LIN7A: variants seen among roughly 807,000 people sequenced by gnomAD.
LIN7A encodes protein lin-7 homolog A.
A neutral mutation model predicts 29.8 loss-of-function variants in LIN7A; 25 were observed. That is an observed-to-expected ratio of 0.84 (90% CI 0.61 to 1.17). The LOEUF is 1.17. Among genes scored for constraint, LIN7A ranks in the 50% most tolerant of loss-of-function variants. LIN7A has a pLI of 0.00. For synonymous variants in LIN7A, 118 were observed against 107.5 expected, an observed-to-expected ratio of 1.10 and a Z score of -0.60; for missense variants, 239 against 287.0, an observed-to-expected ratio of 0.83 and a Z score of 1.21.
chr12:80,932,375 G>T (rs1051642912), intron 1 of LIN7A, among the ~76,000 whole-genome samples: 1 of 152,138 alleles, frequency 6.6e-6, no homozygotes, highest in Admixed American at 6.5e-5. Flanking sequence ...AGCACACTAG[G>T]ATTTGTTTAA....
intron 2 of LIN7A, among the ~76,000 whole-genome samples, chr12:80,881,435 A>G (rs1348999878): frequency 2.0e-5 from 3 of 152,222 alleles, no homozygotes; most frequent in East Asian, 1.9e-4. Flanking sequence ...GATGAATGCA[A>G]TGCCATTCCA....
intron 2 of LIN7A, among the ~76,000 whole-genome samples, chr12:80,878,526 G>C (rs1212983657): frequency 4.6e-5 from 7 of 152,172 alleles, no homozygotes; most frequent in Non-Finnish European, 8.8e-5. Flanking sequence ...AGCTCTTAAA[G>C]GTGGCACAGA....
At chr12:80,910,153 T>C (rs1268663488) in intron 1 of LIN7A, among the ~76,000 whole-genome samples, 1 of 152,186 alleles carries the variant, frequency 6.6e-6, no homozygotes, top group East Asian at 1.9e-4. Context: ...ATATTGTAAA[T>C]ATTACCTTTT....
Position 80,889,281 on chromosome 12 carries a change from A to C in LIN7A, c.171T>G (p.Leu57=), listed in dbSNP as rs749102154. 1.2e-6 allele frequency: 2 copies of C among 1,612,110 alleles called. No individual in the cohort carries two copies. The highest frequency in any genetic ancestry group is 8.5e-7 in the Non-Finnish European group (1 of 1,178,470). ...VHKLQSLKKV[L]QSEFCTAIRE... The stretch of plus-strand genomic sequence containing the variant: ...GAATAGCTGTACAAAACTCACTCTG[A>C]AGCACTTTTTTGAGGGATTGTAGCT... Residue 57 remains leucine, a synonymous_variant, in exon 2 of 6, where the codon CTT becomes CTG. Coordinates refer to ENST00000552864, the MANE Select transcript of LIN7A (RefSeq NM_004664.4).
intron 1 of LIN7A, among the ~76,000 whole-genome samples, chr12:80,895,613 T>A (rs987791827): frequency 6.6e-6 from 1 of 152,220 alleles, no homozygotes; most frequent in African/African-American, 2.4e-5. Flanking sequence ...AATGCACTTC[T>A]TTTTCCAGAC....
intron 5 of LIN7A, among the ~76,000 whole-genome samples, chr12:80,805,303 C>G (rs11114624): frequency 0.1 from 15,249 of 151,890 alleles, 804 homozygotes; most frequent in East Asian, 0.18. Flanking sequence ...GGATAGTTTT[C>G]GTAATAATTC....
At chr12:80,798,334 C>CT (rs1478029305) in intron 5 of LIN7A, among the ~76,000 whole-genome samples, 1 of 152,094 alleles carries the variant, frequency 6.6e-6, no homozygotes, top group East Asian at 1.9e-4. Flanking sequence ...ATTTTTACAT[C>CT]TTCGTTCTCA....
chr12:80,896,065 G>C (rs1335789955), intron 1 of LIN7A, among the ~76,000 whole-genome samples: 1 of 152,182 alleles, frequency 6.6e-6, no homozygotes, highest in East Asian at 1.9e-4. Flanking sequence ...ATGCTATAGA[G>C]ACACTGGAAT....
chr12:80,863,695 C>T (rs1021583590), intron 2 of LIN7A, among the ~76,000 whole-genome samples: 1 of 152,150 alleles, frequency 6.6e-6, no homozygotes, highest in African/African-American at 2.4e-5. Context: ...ACATAGTCCT[C>T]TTAACATAGA....
chr12:80,801,879 C>T (rs1328213538), intron 5 of LIN7A, among the ~76,000 whole-genome samples: 1 of 151,386 alleles, frequency 6.6e-6, no homozygotes, highest in African/African-American at 2.4e-5. Flanking sequence ...ATTCTACTCT[C>T]TACTTCTATG....
chr12:80,899,892 C>T (rs1352176850), intron 1 of LIN7A, among the ~76,000 whole-genome samples: 2 of 150,950 alleles, frequency 1.3e-5, no homozygotes, highest in African/African-American at 2.4e-5. Flanking sequence ...CTCAGCCTCC[C>T]GAGTAGCTGG....
chr12:80,873,300 C>A (rs535189085), intron 2 of LIN7A, among the ~76,000 whole-genome samples: 1 of 151,968 alleles, frequency 6.6e-6, no homozygotes, highest in Non-Finnish European at 1.5e-5. Flanking sequence ...GAGGTAGAGC[C>A]GGGTGGGTCA....
chr12:80,876,694 C>T (rs777160970), intron 2 of LIN7A, among the ~76,000 whole-genome samples: 10 of 152,174 alleles, frequency 6.6e-5, no homozygotes, highest in Non-Finnish European at 1.3e-4. Context: ...TTGCATTGTA[C>T]ATTCCATTGG....
At chr12:80,802,653 A>G (rs1295376899) in intron 5 of LIN7A, among the ~76,000 whole-genome samples, 1 of 151,464 alleles carries the variant, frequency 6.6e-6, no homozygotes, top group Admixed American at 6.6e-5. Context: ...CTTTTTTAAA[A>G]TTTAAAATTT....
At chr12:80,828,189 G>A (rs1347285245) in intron 4 of LIN7A, among the ~76,000 whole-genome samples, 1 of 152,070 alleles carries the variant, frequency 6.6e-6, no homozygotes, top group Non-Finnish European at 1.5e-5. Flanking sequence ...TTAAAATAAA[G>A]TATATCCATA....
chr12:80,813,218 A>T (rs747432467), intron 4 of LIN7A, among the ~76,000 whole-genome samples: 1 of 152,140 alleles, frequency 6.6e-6, no homozygotes, highest in Non-Finnish European at 1.5e-5. Flanking sequence ...TCACCATGTT[A>T]GCCAGGATGG....
intron 4 of LIN7A, among the ~76,000 whole-genome samples, chr12:80,841,509 T>C (rs532543732): frequency 5.7e-4 from 86 of 152,168 alleles, no homozygotes; most frequent in African/African-American, 2.1e-3. Context: ...CACATTATGT[T>C]TTGTCCCCCT....
chr12:80,841,145 G>T (rs1167801912), intron 4 of LIN7A, among the ~76,000 whole-genome samples: 2 of 152,048 alleles, frequency 1.3e-5, no homozygotes, highest in Non-Finnish European at 2.9e-5. Context: ...ATACAAGGTT[G>T]CTCTTCTCTG....
intron 5 of LIN7A, among the ~76,000 whole-genome samples, chr12:80,804,340 T>C (rs143888779): frequency 6.6e-6 from 1 of 152,188 alleles, no homozygotes; most frequent in East Asian, 1.9e-4. Context: ...TTTGTACCCG[T>C]TAACCATCCC....
Sources: gnomAD v4.1 joint callset for allele counts (sites outside exome capture counted in the v4.1 genomes callset) on GRCh38, gnomAD v4.1.1 for gene constraint, MANE v1.5 for transcripts, NCBI Gene and HGNC (gene_info 2026-07-23, HGNC 2026-07-21) for gene names.